The following KCNH1 variants were observed in gnomAD, a reference collection of about 807,000 sequenced individuals.
KCNH1 encodes the protein voltage-gated delayed rectifier potassium channel KCNH1.
KCNH1 carries 27 observed loss-of-function variants against 69.2 expected under a neutral mutation model. The ratio of observed to expected loss-of-function variants is 0.39; its 90% confidence interval spans 0.29 to 0.54. KCNH1 has a LOEUF of 0.54. Ranked by LOEUF, KCNH1 falls within the 20% of genes least tolerant of loss-of-function variation. KCNH1 has a pLI of 0.68. For missense variants in KCNH1, 798 were observed against 1,261.6 expected (o/e 0.63, Z 5.57); for synonymous variants, 456 against 487.7 (o/e 0.93, Z 0.86).
intron 5 of KCNH1, among the ~76,000 whole-genome samples, chr1:211,038,558 G>A (rs555437921): frequency 7.9e-5 from 12 of 152,210 alleles, no homozygotes; most frequent in Non-Finnish European, 1.8e-4. Flanking sequence ...GAACTTCCTA[G>A]AGACTTGATG....
chr1:210,853,961 AAAAAAAAG>A (rs932655683), intron 7 of KCNH1, among the ~76,000 whole-genome samples: 4 of 150,442 alleles, frequency 2.7e-5, no homozygotes, highest in Non-Finnish European at 5.9e-5. Flanking sequence ...AAAAAAAAAA[AAAAAAAAG>A]AAACCAAAGT....
At chr1:210,941,802 T>C (rs1011904331) in intron 6 of KCNH1, among the ~76,000 whole-genome samples, 1 of 152,190 alleles carries the variant, frequency 6.6e-6, no homozygotes, top group Non-Finnish European at 1.5e-5. Flanking sequence ...AGGGATGTTC[T>C]AGGTTTAAGG....
At chr1:210,925,860 A>G (rs1017755196) in intron 6 of KCNH1, among the ~76,000 whole-genome samples, 1 of 152,184 alleles carries the variant, frequency 6.6e-6, no homozygotes, top group Non-Finnish European at 1.5e-5. Context: ...AGAAACCTGA[A>G]TACTTAACCA....
intron 8 of KCNH1, among the ~76,000 whole-genome samples, chr1:210,799,632 C>A (rs1684392257): frequency 6.6e-6 from 1 of 152,176 alleles, no homozygotes; most frequent in East Asian, 1.9e-4. Context: ...AGAAGTGTTT[C>A]TAAAATAATC....
At chr1:210,707,985 G>A (rs568669213) in intron 10 of KCNH1, among the ~76,000 whole-genome samples, 2 of 152,258 alleles carry the variant, frequency 1.3e-5, no homozygotes, top group Admixed American at 1.3e-4. Context: ...TCAGGCACAT[G>A]GCAAGGCTGG....
intron 7 of KCNH1, among the ~76,000 whole-genome samples, chr1:210,887,722 C>CAAAAA (rs35066964): frequency 1.3e-4 from 7 of 55,070 alleles, no homozygotes; most frequent in Admixed American, 2.4e-4. Flanking sequence ...AATGGAAAGC[C>CAAAAA]AAAAAAAAAA....
chr1:211,111,626 G>A (rs1481547949), intron 1 of KCNH1, among the ~76,000 whole-genome samples: 3 of 147,828 alleles, frequency 2.0e-5, no homozygotes, highest in African/African-American at 7.5e-5. Context: ...CCTCTGCCCG[G>A]CCCCCGCCCC....
chr1:210,760,480 C>T (rs1683492955), intron 10 of KCNH1, among the ~76,000 whole-genome samples: 1 of 152,152 alleles, frequency 6.6e-6, no homozygotes, highest in South Asian at 2.1e-4. Flanking sequence ...GTTTCCCAGA[C>T]AAGCAATTGC....
At chr1:210,980,379 C>A (rs1390532062) in intron 6 of KCNH1, among the ~76,000 whole-genome samples, 1 of 152,134 alleles carries the variant, frequency 6.6e-6, no homozygotes, top group Non-Finnish European at 1.5e-5. Flanking sequence ...CCTTAAGTTA[C>A]CTTCCCAGAA....
intron 10 of KCNH1, among the ~76,000 whole-genome samples, chr1:210,765,671 G>A (rs1683614854): frequency 1.3e-5 from 2 of 152,138 alleles, no homozygotes; most frequent in African/African-American, 2.4e-5. Flanking sequence ...AGAAAAAGAA[G>A]GGAAAAGGGG....
chr1:210,897,724 G>A lies in KCNH1; in HGVS notation c.1462+21916C>T, dbSNP rs187862693. Among the ~76,000 whole-genome samples the A allele has an allele frequency of 3.9e-5, 6 of 152,362 alleles. No homozygotes were observed. In the East Asian group the frequency reaches 1.2e-3, roughly 29 times the overall value. ...CACCTGCCTTTGGGGAATGTAGGGAGAGGGATAGTAGCACTAGAAGAGTGA... is the reference window on the plus strand; with the variant it reads ...CACCTGCCTTTGGGGAATGTAGGGAAAGGGATAGTAGCACTAGAAGAGTGA... On this transcript the variant is annotated intron_variant, in intron 7 of 10. Transcript: ENST00000271751.
chr1:210,790,619 C>T (rs1013342367), intron 9 of KCNH1, among the ~76,000 whole-genome samples: 2 of 152,184 alleles, frequency 1.3e-5, no homozygotes, highest in Non-Finnish European at 2.9e-5. Flanking sequence ...AAAATTTATA[C>T]TAGAAACTAT....
At chr1:210,832,752 C>T (rs1308339227) in intron 7 of KCNH1, among the ~76,000 whole-genome samples, 1 of 151,840 alleles carries the variant, frequency 6.6e-6, no homozygotes, top group Non-Finnish European at 1.5e-5. Context: ...TTTTTTCACC[C>T]ACTAGAAGTG....
intron 5 of KCNH1, among the ~76,000 whole-genome samples, chr1:211,033,465 A>C (rs934678957): frequency 8.6e-5 from 13 of 151,948 alleles, no homozygotes; most frequent in African/African-American, 2.9e-4. Context: ...ACATGCACAC[A>C]TATGTTTATT....
At chr1:210,998,025 A>G (rs952214537) in intron 6 of KCNH1, among the ~76,000 whole-genome samples, 10 of 152,326 alleles carry the variant, frequency 6.6e-5, no homozygotes, top group African/African-American at 2.4e-4. Flanking sequence ...CTAAACATGG[A>G]AAGGAACAAC....
chr1:210,798,762 G>A (rs1558474384), intron 8 of KCNH1, among the ~76,000 whole-genome samples: 1 of 152,168 alleles, frequency 6.6e-6, no homozygotes, highest in Non-Finnish European at 1.5e-5. Flanking sequence ...AGGAGAGCCA[G>A]GGGGAAGCAG....
At position 210,923,025 on chromosome 1, in the gene KCNH1, C is replaced by T. The variant is rs986581279; in HGVS notation, c.1033-2956G>A. Among the ~76,000 whole-genome samples the T allele has an allele frequency of 3.3e-5, 5 of 152,222 alleles. No homozygotes were observed. In the South Asian group the frequency reaches 8.3e-4, roughly 25 times the overall value. The stretch of plus-strand genomic sequence containing the variant: ...AGTTCAAAGCAACATTTATGTAGAA[C>T]CTAGTATGTACTCTTTGTGCTAATG... On this transcript the variant is annotated intron_variant, in intron 6 of 10. Coordinates refer to ENST00000271751, the MANE Select transcript of KCNH1 (RefSeq NM_172362.3).
chr1:210,803,864 T>TCTGAGCACAGCCAGGTTTGACACC, intron 8 of KCNH1, 103 bp downstream of exon 8: 2 of 1,013,500 alleles, frequency 2.0e-6, no homozygotes, highest in Non-Finnish European at 1.5e-6. Context: ...TCAAGTGAAT[T>TCTGAGCACAGCCAGGTTTGACACC]CTGAGCACAG....
intron 7 of KCNH1, among the ~76,000 whole-genome samples, chr1:210,911,047 T>C (rs543511311): frequency 9.2e-5 from 14 of 152,272 alleles, no homozygotes; most frequent in Admixed American, 5.9e-4. Flanking sequence ...GAAAATACCA[T>C]ATTTTCTCTC....
Sources: gnomAD v4.1 joint callset for allele counts (sites outside exome capture counted in the v4.1 genomes callset) on GRCh38, gnomAD v4.1.1 for gene constraint, MANE v1.5 for transcripts, NCBI Gene and HGNC (gene_info 2026-07-23, HGNC 2026-07-21) for gene names.